PNPLA7: variants seen among roughly 807,000 people sequenced by gnomAD.
The protein encoded by PNPLA7 is patatin-like phospholipase domain-containing protein 7.
A neutral mutation model predicts 161.7 loss-of-function variants in PNPLA7; 153 were observed. That is an observed-to-expected ratio of 0.95 (90% CI 0.83 to 1.08). The LOEUF (loss-of-function observed/expected upper bound fraction) is 1.08. PNPLA7 is among the 50% of genes least tolerant of loss of function. The pLI is 0.00. For synonymous variants in PNPLA7, 809 were observed against 782.1 expected (o/e 1.03, Z -0.57); for missense variants, 1,739 against 1,856.6 (o/e 0.94, Z 1.16).
intron 19 of PNPLA7, among the ~76,000 whole-genome samples, 169 bp from the exon 20 acceptor site, chr9:137,493,251 A>C (rs1175816681): frequency 6.6e-6 from 1 of 152,250 alleles, no homozygotes; most frequent in Non-Finnish European, 1.5e-5. Context: ...GTGCTGGGCC[A>C]TGGCTGTTTA....
rs752826633 is a variant in PNPLA7 at position 137,540,306 on chromosome 9, G to T, written c.747+336C>A. 2.0e-5 allele frequency among the ~76,000 whole-genome samples: 3 copies of T among 152,192 alleles called. No homozygotes were observed. The highest frequency in any genetic ancestry group is 4.8e-5 in the African/African-American group (2 of 41,436). On this transcript the variant is annotated intron_variant, in intron 8 of 34. Transcript: ENST00000406427. The surrounding 1 kb of genome is among the most constrained non-coding windows in gnomAD (Gnocchi z 5.1). Reference sequence around the variant, plus strand: ...ACGGGGGTGGCTGGTCCCTCGGGAGGGCCTTGGGCCTGAGGAGAGGAGAAA... The same window carrying T: ...ACGGGGGTGGCTGGTCCCTCGGGAGTGCCTTGGGCCTGAGGAGAGGAGAAA...
At chr9:137,474,051 C>T (rs1043551990) in intron 25 of PNPLA7, among the ~76,000 whole-genome samples, 1 of 152,080 alleles carries the variant, frequency 6.6e-6, no homozygotes, top group African/African-American at 2.4e-5. Context: ...CGAGCCTGGC[C>T]CACATGGTGA....
intron 28 of PNPLA7, 76 bp downstream of exon 28, chr9:137,464,050 C>A: frequency 1.3e-6 from 2 of 1,514,260 alleles, no homozygotes; most frequent in South Asian, 2.3e-5. Flanking sequence ...GCCTTCCCAA[C>A]CCCTGGGGCT....
chr9:137,482,199 C>G (rs761543971), intron 21 of PNPLA7, among the ~76,000 whole-genome samples: 20 of 152,224 alleles, frequency 1.3e-4, no homozygotes, highest in Admixed American at 5.2e-4. Flanking sequence ...ACTAAACATA[C>G]TCCGACCACA....
intron 18 of PNPLA7, among the ~76,000 whole-genome samples, chr9:137,495,744 G>A (rs1833022191): frequency 6.6e-6 from 1 of 152,080 alleles, no homozygotes; most frequent in Non-Finnish European, 1.5e-5. Flanking sequence ...CGCCCGGCCT[G>A]GAGAACTCCT....
intron 25 of PNPLA7, among the ~76,000 whole-genome samples, chr9:137,472,315 G>C (rs1435208405): frequency 2.0e-5 from 3 of 151,830 alleles, no homozygotes; most frequent in Non-Finnish European, 4.4e-5. Context: ...GGCTGGGTAC[G>C]GTGGCTCAGC....
In PNPLA7 at chr9:137,547,463, C is replaced by T; in HGVS notation, c.106-67G>A. The T allele has an allele frequency of 1.9e-6, 3 of 1,594,802 alleles. No individual in the cohort carries two copies. The highest frequency in any genetic ancestry group is 2.2e-5 in the East Asian group (1 of 44,756). On this transcript the variant is annotated intron_variant, in intron 2 of 34. Transcript: ENST00000406427. The surrounding 1 kb of genome is among the most constrained non-coding windows in gnomAD (Gnocchi z 4.6). ...AAACCTAACCCTAGCCCTAAGCCTG[C>T]CCCCACCCCTGGCTGCCCAACCACA... is the stretch of plus-strand genomic sequence containing the variant.
intron 19 of PNPLA7, 82 bp downstream of exon 19, chr9:137,494,951 C>T (rs1454970973): frequency 2.3e-6 from 3 of 1,301,128 alleles, no homozygotes; most frequent in African/African-American, 1.5e-5. Context: ...TGTGCCCTCA[C>T]CCGCTCCGCC....
chr9:137,460,712 G>C lies in PNPLA7; in HGVS notation c.3867C>G (p.Tyr1289Ter). ...TGGGGACGTCCAGCAGCTCCTCCTC[G>C]TACTCCGTCTGGTAGTCAGATTCGT... is the stretch of plus-strand genomic sequence containing the variant. ...VDDESDYQTE[Y>*]EEELLDVPRD... Residue 1289 changes from tyrosine to a stop codon, truncating the protein, a stop_gained, in exon 34 of 35, where the codon TAC becomes TAG. Coordinates refer to ENST00000406427, the MANE Select transcript of PNPLA7 (RefSeq NM_001098537.3). LOFTEE classifies it high-confidence loss of function. 1 of 1,612,802 alleles carries C rather than the reference G, an allele frequency of 6.2e-7. No homozygotes were observed. Among genetic ancestry groups the C allele is most frequent in the East Asian group, 2.2e-5 (1 of 44,890 alleles).
chr9:137,461,725 C>T, intron 32 of PNPLA7, 105 bp from the exon 33 acceptor site: 1 of 1,287,220 alleles, frequency 7.8e-7, no homozygotes, highest in Non-Finnish European at 1.1e-6. Flanking sequence ...CTCTCTGCAG[C>T]CTCCGCCTGC....
chr9:137,546,861 A>T lies in PNPLA7; in HGVS notation c.242T>A (p.Val81Glu). The change falls in exon 4 of 35, where the codon GTG (valine) becomes GAG (glutamate). Residue 81 changes from valine (V) to glutamate (E), a missense_variant. Val to Glu is a moderately radical substitution (Grantham distance 121). Around this residue, in one of 6 missense-constraint regions of PNPLA7, gnomAD observed 209 missense variants for 252.8 expected, o/e 0.83. Transcript: ENST00000406427. Reference protein sequence around the residue: ...PQYRFRKRDKVMFYGRKIMRK... With the variant: ...PQYRFRKRDKEMFYGRKIMRK... ...CATGATCTTCCGGCCGTAAAACATC[A>T]CTTTGTCTCTCTTCCGGAACCGGTA... The T allele has an allele frequency of 6.2e-7, 1 of 1,613,866 alleles. No homozygotes were observed. The highest frequency in any genetic ancestry group is 8.5e-7 in the Non-Finnish European group (1 of 1,179,984).
rs1262988059 is a variant in PNPLA7, at chr9:137,478,207, C to T, written c.2764-55G>A. On this transcript the variant is annotated intron_variant, in intron 24 of 34. Coordinates refer to ENST00000406427, the MANE Select transcript of PNPLA7 (RefSeq NM_001098537.3). Reference sequence around the variant, plus strand: ...TGCAGGGCCCCACCCTCGGCCGAGACCTCGCATCCTGGCTTGACTGGGGGG... The same window carrying T: ...TGCAGGGCCCCACCCTCGGCCGAGATCTCGCATCCTGGCTTGACTGGGGGG... 5.8e-6 allele frequency: 7 copies of T among 1,211,912 alleles called. No individual in the cohort carries two copies. The Admixed American group carries it at 3.0e-4, about 51-fold the overall frequency. The allele number at this position is 1,211,912 out of a possible 1,614,324, so 75.1% of individuals were successfully genotyped here.
chr9:137,535,591 A>G (rs1021069805), intron 8 of PNPLA7, among the ~76,000 whole-genome samples: 6 of 151,036 alleles, frequency 4.0e-5, no homozygotes, highest in Non-Finnish European at 8.9e-5. Context: ...CGTCCCTACT[A>G]AAAATACAAA....
intron 25 of PNPLA7, among the ~76,000 whole-genome samples, chr9:137,469,329 C>T (rs1465277753): frequency 6.6e-6 from 1 of 152,088 alleles, no homozygotes; most frequent in Non-Finnish European, 1.5e-5. Flanking sequence ...TGGGATCTGG[C>T]ACCAAACTCT....
chr9:137,547,558 G>A lies in PNPLA7; in HGVS notation c.105+27C>T, dbSNP rs200317697. The A allele has an allele frequency of 8.8e-5, 142 of 1,612,172 alleles. 1 individual carries two copies. The African/African-American group carries it at 1.8e-3, about 20-fold the overall frequency. On this transcript the variant is annotated intron_variant, in intron 2 of 34. Transcript: ENST00000406427. This position sits in a 1 kb window ranked among gnomAD's most constrained non-coding sequence, Gnocchi z 4.6. Reference sequence around the variant, plus strand: ...AAAAGGCCACGGCCCATCCAGGTCTGGCTCCAGGGAAGCGTGAGGTGATTA... The same window carrying A: ...AAAAGGCCACGGCCCATCCAGGTCTAGCTCCAGGGAAGCGTGAGGTGATTA...
At position 137,541,222 on chromosome 9, in the gene PNPLA7, G is replaced by C. The variant is rs572669058; in HGVS notation, c.667-500C>G. Among the ~76,000 whole-genome samples the C allele has an allele frequency of 5.9e-4, 90 of 152,222 alleles. No individual in the cohort carries two copies. The highest frequency in any genetic ancestry group is 2.4e-5 in the African/African-American group (1 of 41,526). On this transcript the variant is annotated intron_variant, in intron 7 of 34. Coordinates refer to ENST00000406427, the MANE Select transcript of PNPLA7 (RefSeq NM_001098537.3). The surrounding 1 kb of genome is among the most constrained non-coding windows in gnomAD (Gnocchi z 4.4). Reference sequence around the variant, plus strand: ...AATCTGGCCCCAGTCCCCTCCATGAGCCCCTCCCATCTAGTCCAAAGGCCA... The same window carrying C: ...AATCTGGCCCCAGTCCCCTCCATGACCCCCTCCCATCTAGTCCAAAGGCCA...
intron 26 of PNPLA7, among the ~76,000 whole-genome samples, chr9:137,466,111 A>T (rs1049724802): frequency 6.6e-6 from 1 of 152,144 alleles, no homozygotes; most frequent in African/African-American, 2.4e-5. Context: ...GCCATGCACC[A>T]GGGACAGCCC....
Position 137,541,287 on chromosome 9 carries a change from G to A in PNPLA7, c.667-565C>T, listed in dbSNP as rs998055126. The A allele has an allele frequency of 1.4e-5, 4 of 295,348 alleles. No homozygotes were observed. The highest frequency in any genetic ancestry group is 1.8e-4 in the East Asian group (1 of 5,692). 18.3% of individuals were successfully genotyped at this position (295,348 alleles called of 1,614,324 possible). A position where few individuals can be genotyped will look rare whatever the true frequency, so the allele number is the denominator to read the frequency against. On this transcript the variant is annotated intron_variant, in intron 7 of 34. Transcript: ENST00000406427. The surrounding 1 kb of genome is among the most constrained non-coding windows in gnomAD (Gnocchi z 4.4). Reference sequence around the variant, plus strand: ...CTGGTCCTTCAGGAGGGCCCCGCACGAGCGGCAACGAAAGCCGCTGCTTCA... The same window carrying A: ...CTGGTCCTTCAGGAGGGCCCCGCACAAGCGGCAACGAAAGCCGCTGCTTCA...
At chr9:137,461,773 C>A (rs530859925) in intron 32 of PNPLA7, 153 bp from the exon 33 acceptor site, 2 of 1,182,814 alleles carry the variant, frequency 1.7e-6, no homozygotes, top group East Asian at 2.6e-5. Flanking sequence ...GATGCGCAGT[C>A]CTGAGCAATC....
Sources: allele counts gnomAD v4.1 joint callset (sites outside exome capture counted in the v4.1 genomes callset), GRCh38; gene constraint gnomAD v4.1.1; regional missense constraint gnomAD v4.1.1; non-coding constraint Gnocchi (gnomAD v3.1); transcripts MANE v1.5; gene names NCBI Gene and HGNC (gene_info 2026-07-23, HGNC 2026-07-21).